The following POMP variants were observed in gnomAD, a reference collection of about 807,000 sequenced individuals.
POMP encodes 2510048O06Rik.
In POMP, 12 loss-of-function variants were observed where a neutral mutation model predicts 20.6. That is an observed-to-expected ratio of 0.58 (90% CI 0.37 to 0.94). POMP has a LOEUF of 0.94. Ranked by LOEUF, POMP falls within the 40% of genes least tolerant of loss-of-function variation. The pLI is 0.01. For synonymous variants in POMP, 53 were observed against 55.0 expected (o/e 0.96, Z 0.16); for missense variants, 136 against 161.1 (o/e 0.84, Z 0.84).
At chr13:28,669,465 T>C (rs1405036893) in intron 4 of POMP, among the ~76,000 whole-genome samples, 2 of 152,176 alleles carry the variant, frequency 1.3e-5, no homozygotes, top group African/African-American at 4.8e-5. Flanking sequence ...ATCCTCAAAC[T>C]CCTGGGCTCA....
intron 5 of POMP, among the ~76,000 whole-genome samples, chr13:28,676,285 T>A (rs1792070): frequency 0.044 from 6,766 of 152,182 alleles, 506 homozygotes; most frequent in African/African-American, 0.15. Context: ...ATTACAAGCG[T>A]GGGCCACCGC....
At chr13:28,665,010 A>T (rs902285531) in intron 3 of POMP, among the ~76,000 whole-genome samples, 9 of 152,176 alleles carry the variant, frequency 5.9e-5, no homozygotes, top group Non-Finnish European at 1.3e-4. Flanking sequence ...TAAATAACTT[A>T]AAATTTAATG....
chr13:28,663,190 C>T (rs1884378709), intron 2 of POMP, among the ~76,000 whole-genome samples: 1 of 152,098 alleles, frequency 6.6e-6, no homozygotes, highest in Admixed American at 6.5e-5. Context: ...AGACCATACT[C>T]TTTGCAGGTC....
In POMP at chr13:28,672,325, A is replaced by T. The variant is rs768731598; in HGVS notation, c.265-14A>T. ...GTTTTTTCTAATCTTGTCCCTTCAT[A>T]CTTTTCCCCAAAGGTTCAGCGTCTT... On this transcript the variant is annotated splice_polypyrimidine_tract_variant and intron_variant, in intron 4 of 5. Transcript: ENST00000380842. The T allele has an allele frequency of 3.4e-5, 54 of 1,567,756 alleles. No homozygotes were observed. The South Asian group carries it at 6.0e-4, about 17-fold the overall frequency.
At chr13:28,676,383 GCT>G (rs1490299942) in intron 5 of POMP, among the ~76,000 whole-genome samples, 2 of 151,966 alleles carry the variant, frequency 1.3e-5, no homozygotes, top group Non-Finnish European at 2.9e-5. Flanking sequence ...AGTAATCCCC[GCT>G]CTGTCACCCT....
At chr13:28,664,598 A>G (rs530337784) in intron 3 of POMP, 29 bp downstream of exon 3, 31 of 1,247,666 alleles carry the variant, frequency 2.5e-5, no homozygotes, top group South Asian at 1.6e-4. Flanking sequence ...CCTTATTTTT[A>G]TCTTCTAATA....
In POMP at chr13:28,672,288, A is replaced by C. The variant is rs547750481; in HGVS notation, c.265-51A>C. The C allele has an allele frequency of 2.2e-6, 3 of 1,365,762 alleles. No homozygotes were observed. In the East Asian group the frequency reaches 6.9e-5, roughly 31 times the overall value. 84.6% of individuals were successfully genotyped at this position (1,365,762 alleles called of 1,614,324 possible). ...ATGAAATTAGACTATATATTCTGTC[A>C]TTTTCCCCTGAGTTTTTTCTAATCT... is the stretch of plus-strand genomic sequence containing the variant. On this transcript the variant is annotated intron_variant, in intron 4 of 5. Coordinates refer to ENST00000380842, the MANE Select transcript of POMP (RefSeq NM_015932.6).
At chr13:28,666,574 C>G (rs139860438) in intron 3 of POMP, among the ~76,000 whole-genome samples, 2 of 152,230 alleles carry the variant, frequency 1.3e-5, no homozygotes, top group Non-Finnish European at 2.9e-5. Context: ...CTTTATGTGA[C>G]TCTTACTGTC....
At chr13:28,659,289 G>A in intron 1 of POMP, 102 bp downstream of exon 1, 1 of 1,527,282 alleles carries the variant, frequency 6.5e-7, no homozygotes, top group Non-Finnish European at 8.8e-7. Context: ...GGCGGCGGCG[G>A]CGGCAGCGTG....
rs1013561908 is a variant in POMP at position 28,675,821 on chromosome 13, G to A, written c.359-2214G>A. The stretch of plus-strand genomic sequence containing the variant: ...CTTACAATCGTGGCAGAAGACAAAG[G>A]GGGGCCAGTGAATTATATGGCGAGA... On this transcript the variant is annotated intron_variant, in intron 5 of 5. Transcript: ENST00000380842. Among the ~76,000 whole-genome samples the A allele has an allele frequency of 3.3e-5, 5 of 152,264 alleles. No individual in the cohort carries two copies. In the South Asian group the frequency reaches 6.2e-4, roughly 19 times the overall value.
chr13:28,670,541 C>A (rs999697699), intron 4 of POMP, among the ~76,000 whole-genome samples: 2 of 152,144 alleles, frequency 1.3e-5, no homozygotes, highest in African/African-American at 4.8e-5. Context: ...TTATGTCATT[C>A]CCCTCACTTT....
In POMP at chr13:28,678,398, T is replaced by G. The variant is rs572820563; in HGVS notation, c.*296T>G. Reference sequence around the variant, plus strand: ...TCTACAGGTTTCAATTCAACCTGTTTCTAGGTTTTTTTGTAAATTTAGTTT... The same window carrying G: ...TCTACAGGTTTCAATTCAACCTGTTGCTAGGTTTTTTTGTAAATTTAGTTT... On this transcript the variant is annotated 3_prime_UTR_variant, in exon 6 of 6. Coordinates refer to ENST00000380842, the MANE Select transcript of POMP (RefSeq NM_015932.6). The G allele has an allele frequency of 2.7e-5, 9 of 330,654 alleles. No homozygotes were observed. Among genetic ancestry groups the G allele is most frequent in the East Asian group, 1.9e-4 (3 of 15,658 alleles). 20.5% of individuals were successfully genotyped at this position (330,654 alleles called of 1,614,324 possible). A position where few individuals can be genotyped will look rare whatever the true frequency, so the allele number is the denominator to read the frequency against.
At chr13:28,665,243 A>G (rs1417502189) in intron 3 of POMP, among the ~76,000 whole-genome samples, 1 of 152,232 alleles carries the variant, frequency 6.6e-6, no homozygotes, top group Non-Finnish European at 1.5e-5. Context: ...GAGGAAGAAG[A>G]AAAAGGTTTC....
chr13:28,666,376 G>A (rs1439574883), intron 3 of POMP, among the ~76,000 whole-genome samples: 1 of 152,332 alleles, frequency 6.6e-6, no homozygotes, highest in Admixed American at 6.5e-5. Flanking sequence ...CTGTGTATTA[G>A]TCTGGCTATT....
rs1332221990 is a variant in POMP, at chr13:28,672,338, G to C, written c.265-1G>C. On this transcript the variant is annotated splice_acceptor_variant, in intron 4 of 5. Coordinates refer to ENST00000380842, the MANE Select transcript of POMP (RefSeq NM_015932.6). LOFTEE classifies it high-confidence loss of function. ...TTGTCCCTTCATACTTTTCCCCAAA[G>C]GTTCAGCGTCTTCCATTTCTTTCAA... 5 of 1,600,970 alleles carry C rather than the reference G, an allele frequency of 3.1e-6. No individual in the cohort carries two copies. Among genetic ancestry groups the C allele is most frequent in the Non-Finnish European group, 4.3e-6 (5 of 1,168,210 alleles).
Position 28,668,498 on chromosome 13 carries a change from A to T in POMP, c.188A>T (p.Asn63Ile), listed in dbSNP as rs1884485118. The stretch of plus-strand genomic sequence containing the variant: ...TTCCAGCTCAACCAAGATAAAATGA[A>T]TTTTTCCACACTGAGAAACATTCAG... ...KNFQLNQDKM[N>I]FSTLRNIQGL... The change falls in exon 4 of 6, where the codon AAT becomes ATT. Residue 63 changes from asparagine to isoleucine, a missense_variant. Transcript: ENST00000380842. 1 of 1,611,212 alleles carries T rather than the reference A, an allele frequency of 6.2e-7. No individual in the cohort carries two copies. Among genetic ancestry groups the T allele is most frequent in the South Asian group, 1.1e-5 (1 of 91,038 alleles).
Position 28,659,171 on chromosome 13 carries a change from C to G in POMP, c.-14C>G. 1 of 1,586,408 alleles carries G rather than the reference C, an allele frequency of 6.3e-7. No individual in the cohort carries two copies. The highest frequency in any genetic ancestry group is 8.6e-7 in the Non-Finnish European group (1 of 1,167,384). ...GGTAACGGGGCAGAGAGGCTGTTCGCAGAGCTGCGGAAGATGGTGAGTGGG... is the reference window on the plus strand; with the variant it reads ...GGTAACGGGGCAGAGAGGCTGTTCGGAGAGCTGCGGAAGATGGTGAGTGGG... On this transcript the variant is annotated 5_prime_UTR_variant, in exon 1 of 6. Transcript: ENST00000380842.
chr13:28,663,663 A>G (rs1384812993), intron 2 of POMP, among the ~76,000 whole-genome samples: 1 of 152,222 alleles, frequency 6.6e-6, no homozygotes, highest in African/African-American at 2.4e-5. Context: ...GTCTGAGTAC[A>G]AATATAATCC....
intron 4 of POMP, 40 bp downstream of exon 4, chr13:28,668,614 T>A: frequency 3.5e-6 from 5 of 1,425,228 alleles, no homozygotes; most frequent in Non-Finnish European, 4.0e-6. Context: ...GTCGATATCA[T>A]TCATGAGGAA....
Sources: gnomAD v4.1 joint callset for allele counts (sites outside exome capture counted in the v4.1 genomes callset) on GRCh38, gnomAD v4.1.1 for gene constraint, MANE v1.5 for transcripts, NCBI Gene and HGNC (gene_info 2026-07-23, HGNC 2026-07-21) for gene names.